PARP11: variants seen among roughly 807,000 people sequenced by gnomAD.
The protein encoded by PARP11 is protein mono-ADP-ribosyltransferase PARP11.
In PARP11, 31 loss-of-function variants were observed where a neutral mutation model predicts 42.9. That is an observed-to-expected ratio of 0.72 (90% CI 0.54 to 0.98). The LOEUF is 0.98. Ranked by LOEUF, PARP11 falls within the 50% of genes least tolerant of loss-of-function variation. The pLI is 0.00. For missense variants in PARP11, 365 were observed against 413.1 expected (o/e 0.88, Z 1.01); for synonymous variants, 137 against 127.3 (o/e 1.08, Z -0.51).
chr12:3,841,847 T>G, intron 1 of PARP11: 2 of 1,609,372 alleles, frequency 1.2e-6, no homozygotes, highest in Middle Eastern at 1.7e-4. Context: ...GAATTGGATC[T>G]GTCTCTGGAA....
chr12:3,849,713 T>G (rs1304364009), intron 1 of PARP11, among the ~76,000 whole-genome samples: 1 of 152,070 alleles, frequency 6.6e-6, no homozygotes, highest in Non-Finnish European at 1.5e-5. Flanking sequence ...CAGTTAGATA[T>G]AAGAAATAAG....
At position 3,817,460 on chromosome 12, in the gene PARP11, A is replaced by G. The variant is rs182553075; in HGVS notation, c.549-3272T>C. ...TGTTCTAGTGCCCACTACTCCCACT[A>G]CTAAGGCAGCCACGAAATGCGGACA... On this transcript the variant is annotated intron_variant, in intron 6 of 7. Coordinates refer to ENST00000228820, the MANE Select transcript of PARP11 (RefSeq NM_020367.6). 2.0e-3 allele frequency among the ~76,000 whole-genome samples: 307 copies of G among 152,280 alleles called. 2 individuals carry two copies. Among genetic ancestry groups the G allele is most frequent in the African/African-American group, 7.2e-3 (299 of 41,556 alleles).
At chr12:3,814,946 C>T (rs1270534724) in intron 6 of PARP11, 1 of 444,664 alleles carries the variant, frequency 2.2e-6, no homozygotes, top group African/African-American at 2.0e-5. Context: ...TGTAGGTATA[C>T]ATACACAGGT....
At chr12:3,868,083 A>T (rs1255747635) in intron 1 of PARP11, among the ~76,000 whole-genome samples, 3 of 152,200 alleles carry the variant, frequency 2.0e-5, no homozygotes, top group African/African-American at 7.2e-5. Flanking sequence ...ACTATTATCA[A>T]ATTAGATATA....
At position 3,812,253 on chromosome 12, in the gene PARP11, C is replaced by A. The variant is rs1296204230; in HGVS notation, c.887G>T (p.Arg296Leu). The A allele has an allele frequency of 6.2e-7, 1 of 1,613,996 alleles. No individual in the cohort carries two copies. Among genetic ancestry groups the A allele is most frequent in the Non-Finnish European group, 8.5e-7 (1 of 1,179,990 alleles). The change falls in exon 8 of 8, where the codon CGA (arginine) becomes CTA (leucine). Residue 296 changes from arginine to leucine, a missense_variant. By Grantham distance (102) the Arg-to-Leu change is moderately radical. Coordinates refer to ENST00000228820, the MANE Select transcript of PARP11 (RefSeq NM_020367.6). ...DYINGDSKYM[R>L]PPSKDGSYVN... Reference sequence around the variant, plus strand: ...ATAGCTCCCGTCTTTGGAAGGAGGTCGCATGTATTTGGAGTCTCCGTTTAT... The same window carrying A: ...ATAGCTCCCGTCTTTGGAAGGAGGTAGCATGTATTTGGAGTCTCCGTTTAT...
chr12:3,849,265 A>C (rs1394466833), intron 1 of PARP11, among the ~76,000 whole-genome samples: 1 of 152,152 alleles, frequency 6.6e-6, no homozygotes, highest in Non-Finnish European at 1.5e-5. Flanking sequence ...CCTCAAAAAA[A>C]AATAGAACTA....
chr12:3,840,206 A>G lies in PARP11; in HGVS notation c.19-10188T>C. The G allele has an allele frequency of 6.2e-7, 1 of 1,611,298 alleles. No homozygotes were observed. On this transcript the variant is annotated intron_variant, in intron 1 of 7. Coordinates refer to ENST00000228820, the MANE Select transcript of PARP11 (RefSeq NM_020367.6). The surrounding 1 kb of genome is among the most constrained non-coding windows in gnomAD (Gnocchi z 4.4). ...TTGGATCACAATGGAAAATTTTTGA[A>G]TGCAGACGTTCAAGGAGTTCATTCT... is the stretch of plus-strand genomic sequence containing the variant.
intron 1 of PARP11, among the ~76,000 whole-genome samples, chr12:3,835,223 A>C (rs1029807253): frequency 1.3e-5 from 2 of 152,250 alleles, no homozygotes; most frequent in African/African-American, 4.8e-5. Flanking sequence ...AGGGAATGTA[A>C]GCACAACCTG....
chr12:3,872,285 T>A (rs924165069), intron 1 of PARP11, among the ~76,000 whole-genome samples: 2 of 152,160 alleles, frequency 1.3e-5, no homozygotes. Flanking sequence ...CGCATAAAAA[T>A]AGAGATCTCC....
At chr12:3,845,937 T>C (rs560095938) in intron 1 of PARP11, among the ~76,000 whole-genome samples, 7 of 152,346 alleles carry the variant, frequency 4.6e-5, no homozygotes, top group African/African-American at 1.2e-4. Flanking sequence ...AAAAATTGCA[T>C]TGTGTTACAG....
rs1165913400 is a variant in PARP11 at position 3,812,311 on chromosome 12, TAGATTTATATGTTCTAAACAG to T, written c.808_828del (p.Leu270_Ser276del). 1 of 1,614,164 alleles carries T rather than the reference TAGATTTATATGTTCTAAACAG, an allele frequency of 6.2e-7. No individual in the cohort carries two copies. The highest frequency in any genetic ancestry group is 1.1e-5 in the South Asian group (1 of 91,084). On this transcript the variant is annotated inframe_deletion, in exon 8 of 8. Coordinates refer to ENST00000228820, the MANE Select transcript of PARP11 (RefSeq NM_020367.6). Reference sequence around the variant, plus strand: ...CCAATTAGCACTCGAGCAAGAAACATAGATTTATATGTTCTAAACAGATGCCGCTGTTGCAAGCTGACACCA... The same window carrying T: ...CCAATTAGCACTCGAGCAAGAAACATATGCCGCTGTTGCAAGCTGACACCA...
chr12:3,812,518 G>A (rs1270925848), intron 7 of PARP11, 79 bp from the exon 8 acceptor site: 2 of 940,868 alleles, frequency 2.1e-6, no homozygotes, highest in African/African-American at 3.3e-5. Flanking sequence ...TTTGTCAGGA[G>A]AATAGATGCA....
chr12:3,859,097 CAAAA>C (rs750995549), intron 1 of PARP11, among the ~76,000 whole-genome samples: 1 of 89,246 alleles, frequency 1.1e-5, no homozygotes. Flanking sequence ...GACTCCATCT[CAAAA>C]AAAAAAAAAA....
chr12:3,871,365 C>T (rs561140190), intron 1 of PARP11, among the ~76,000 whole-genome samples: 2 of 152,340 alleles, frequency 1.3e-5, no homozygotes, highest in African/African-American at 4.8e-5. Flanking sequence ...ATTGTTAACA[C>T]TTTATTTTAC....
chr12:3,834,933 G>A (rs1447328471), intron 1 of PARP11, among the ~76,000 whole-genome samples: 2 of 152,106 alleles, frequency 1.3e-5, no homozygotes, highest in East Asian at 1.9e-4. Context: ...TGGCACAAGG[G>A]TCTGAATCAC....
At chr12:3,821,834 T>C (rs752984092) in intron 6 of PARP11, 39 bp downstream of exon 6, 41 of 1,573,054 alleles carry the variant, frequency 2.6e-5, no homozygotes, top group East Asian at 4.5e-5. Context: ...ATAAAAGACA[T>C]AGTGGAAAGG....
chr12:3,817,190 CA>C (rs36072906), intron 6 of PARP11, among the ~76,000 whole-genome samples: 49 of 146,090 alleles, frequency 3.4e-4, no homozygotes, highest in Admixed American at 3.4e-4. Flanking sequence ...GATTCTGTCT[CA>C]AAAAAAAAAA....
At chr12:3,868,718 C>A (rs1392849128) in intron 1 of PARP11, among the ~76,000 whole-genome samples, 7 of 152,180 alleles carry the variant, frequency 4.6e-5, no homozygotes, top group Non-Finnish European at 7.4e-5. Context: ...TAGTCACCTT[C>A]ATAGGTGACT....
intron 1 of PARP11, among the ~76,000 whole-genome samples, chr12:3,863,606 G>A (rs574606202): frequency 1.3e-5 from 2 of 152,310 alleles, no homozygotes; most frequent in South Asian, 2.1e-4. Flanking sequence ...AGAACATAGA[G>A]TAAAATCAGC....
Sources: gnomAD v4.1 joint callset for allele counts (sites outside exome capture counted in the v4.1 genomes callset) on GRCh38, gnomAD v4.1.1 for gene constraint, Gnocchi (gnomAD v3.1) non-coding constraint, MANE v1.5 for transcripts, NCBI Gene and HGNC (gene_info 2026-07-23, HGNC 2026-07-21) for gene names.